Variants in PTPRD observed in about 807,000 individuals in gnomAD.
PTPRD encodes the protein protein tyrosine phosphatase receptor type D, also known as receptor-type tyrosine-protein phosphatase delta.
Under a neutral mutation model 214.5 loss-of-function variants are expected in PTPRD, and 34 were observed. That is an observed-to-expected ratio of 0.16 (90% CI 0.12 to 0.21). The LOEUF (loss-of-function observed/expected upper bound fraction) is 0.21. Among genes scored for constraint, PTPRD ranks in the 10% least tolerant of loss-of-function variants. PTPRD has a pLI of 1.00. For missense variants in PTPRD, 2,545 were observed against 2,398.7 expected, an observed-to-expected ratio of 1.06 and a Z score of -1.27; for synonymous variants, 1,128 against 845.7, an observed-to-expected ratio of 1.33 and a Z score of -5.79.
At chr9:10,129,790 A>T (rs1170160020) in intron 3 of PTPRD, among the ~76,000 whole-genome samples, 1 of 152,046 alleles carries the variant, frequency 6.6e-6, no homozygotes, top group Non-Finnish European at 1.5e-5. Context: ...AATTTGCTAA[A>T]TTGGCTGACT....
chr9:9,455,887 G>C (rs921928217), intron 8 of PTPRD, among the ~76,000 whole-genome samples: 13 of 151,804 alleles, frequency 8.6e-5, no homozygotes, highest in African/African-American at 3.1e-4. Context: ...TGAAGGCAGT[G>C]AGCAAGGCAT....
chr9:10,313,325 G>C (rs1427675324), intron 3 of PTPRD, among the ~76,000 whole-genome samples: 1 of 151,026 alleles, frequency 6.6e-6, no homozygotes, highest in African/African-American at 2.4e-5. Flanking sequence ...TTGAAGAAAA[G>C]AGAGAGTATA....
intron 11 of PTPRD, among the ~76,000 whole-genome samples, chr9:8,818,294 T>C (rs1346690312): frequency 6.6e-6 from 1 of 152,220 alleles, no homozygotes; most frequent in Non-Finnish European, 1.5e-5. Context: ...CTATATTCTC[T>C]GCCTCACCTT....
In PTPRD at chr9:9,281,617, T is replaced by C. The variant is rs545720306; in HGVS notation, c.-202-98254A>G. On this transcript the variant is annotated intron_variant, in intron 9 of 45. Coordinates refer to ENST00000381196, the MANE Select transcript of PTPRD (RefSeq NM_002839.4). ...ACAACACAAAATTCTGGTAAGGATG[T>C]GGAACAGCAGGAATTCTCATTTATT... Among the ~76,000 whole-genome samples the C allele has an allele frequency of 5.3e-5, 8 of 151,446 alleles. No individual in the cohort carries two copies. The South Asian group carries it at 1.2e-3, about 24-fold the overall frequency.
chr9:9,995,674 C>T (rs547509845), intron 4 of PTPRD, among the ~76,000 whole-genome samples: 53 of 152,258 alleles, frequency 3.5e-4, no homozygotes, highest in Admixed American at 9.2e-4. Context: ...GCTGTTTCCA[C>T]GTCTGAATGA....
Position 9,757,045 on chromosome 9 carries a change from A to G in PTPRD, c.-326+9765T>C, listed in dbSNP as rs73394817. ...CAAACCAATGAAAAGAATGTTTATT[A>G]CAGAATTATTTTATCTTAGATGGTC... On this transcript the variant is annotated intron_variant, in intron 6 of 45. Transcript: ENST00000381196. 6.3e-3 allele frequency among the ~76,000 whole-genome samples: 965 copies of G among 152,326 alleles called. 11 individuals carry two copies. The highest frequency in any genetic ancestry group is 0.022 in the African/African-American group (910 of 41,576).
intron 44 of PTPRD, among the ~76,000 whole-genome samples, chr9:8,323,199 TTCAAGATAATACTGC>T (rs1388891781): frequency 3.3e-5 from 5 of 152,134 alleles, no homozygotes; most frequent in Non-Finnish European, 7.3e-5. Flanking sequence ...AAAGATTCTT[TTCAAGATAATACTGC>T]TCATTGACAA....
intron 10 of PTPRD, among the ~76,000 whole-genome samples, chr9:9,040,869 T>G (rs1569492110): frequency 6.6e-6 from 1 of 152,120 alleles, no homozygotes; most frequent in Admixed American, 6.6e-5. Flanking sequence ...TGAAAAGCTT[T>G]TGTTTATTAT....
chr9:10,153,509 TTA>T (rs200275892), intron 3 of PTPRD, among the ~76,000 whole-genome samples: 61 of 149,886 alleles, frequency 4.1e-4, no homozygotes, highest in Middle Eastern at 3.6e-3. Context: ...TTTTTATATA[TTA>T]TATATATATA....
At chr9:10,491,915 C>T (rs1291234077) in intron 2 of PTPRD, among the ~76,000 whole-genome samples, 1 of 152,082 alleles carries the variant, frequency 6.6e-6, no homozygotes, top group Non-Finnish European at 1.5e-5. Flanking sequence ...TCCCTGTGTC[C>T]ATGTGTTCTC....
At chr9:10,017,383 A>G (rs1359384838) in intron 4 of PTPRD, among the ~76,000 whole-genome samples, 1 of 151,922 alleles carries the variant, frequency 6.6e-6, no homozygotes, top group Non-Finnish European at 1.5e-5. Context: ...TGGCTTTACT[A>G]ATTTTCTTTA....
intron 10 of PTPRD, among the ~76,000 whole-genome samples, chr9:9,026,245 AG>A (rs1356118448): frequency 2.6e-5 from 4 of 151,976 alleles, no homozygotes; most frequent in Non-Finnish European, 1.5e-5. Flanking sequence ...GCTCTGGCAC[AG>A]GGACCAGCTT....
At chr9:9,479,226 C>CA (rs537570904) in intron 8 of PTPRD, among the ~76,000 whole-genome samples, 8,065 of 110,616 alleles carry the variant, frequency 0.073, 479 homozygotes, top group Non-Finnish European at 0.12. Flanking sequence ...CCCCCCCCCC[C>CA]CCCACACACA....
chr9:8,580,019 A>C (rs1720647974), intron 14 of PTPRD, among the ~76,000 whole-genome samples: 1 of 152,212 alleles, frequency 6.6e-6, no homozygotes, highest in South Asian at 2.1e-4. Context: ...GTTTGCAGGG[A>C]TTACAAGTTT....
intron 14 of PTPRD, among the ~76,000 whole-genome samples, chr9:8,550,668 T>C (rs1341727653): frequency 6.6e-6 from 1 of 152,322 alleles, no homozygotes; most frequent in Non-Finnish European, 1.5e-5. Flanking sequence ...TAAATCCATA[T>C]GCAAGAGAAA....
chr9:10,511,125 T>G lies in PTPRD; in HGVS notation c.-600+101273A>C, dbSNP rs186238376. ...TTTTTATCATTGAGAATAATTCCAG[T>G]GTATGGAATGGATGTGTATATCAGA... On this transcript the variant is annotated intron_variant, in intron 2 of 45. Coordinates refer to ENST00000381196, the MANE Select transcript of PTPRD (RefSeq NM_002839.4). Among the ~76,000 whole-genome samples the G allele has an allele frequency of 3.9e-4, 60 of 152,306 alleles. 1 individual carries two copies. The East Asian group carries it at 0.01, about 26-fold the overall frequency.
At chr9:8,426,374 T>A (rs531216190) in intron 35 of PTPRD, among the ~76,000 whole-genome samples, 6 of 152,300 alleles carry the variant, frequency 3.9e-5, no homozygotes, top group African/African-American at 1.4e-4. Flanking sequence ...CACTATGGCA[T>A]CCCTCTAAGT....
At chr9:8,370,088 C>T (rs1027978382) in intron 39 of PTPRD, among the ~76,000 whole-genome samples, 4 of 151,896 alleles carry the variant, frequency 2.6e-5, no homozygotes, top group East Asian at 3.9e-4. Flanking sequence ...AAATGTAATC[C>T]ATGACCTCTT....
chr9:10,185,540 G>C (rs2099326368), intron 3 of PTPRD, among the ~76,000 whole-genome samples: 1 of 152,146 alleles, frequency 6.6e-6, no homozygotes, highest in Admixed American at 6.5e-5. Context: ...GGGAATGGCT[G>C]TTATCTGCGT....
Sources: allele counts gnomAD v4.1 joint callset (sites outside exome capture counted in the v4.1 genomes callset), GRCh38; gene constraint gnomAD v4.1.1; transcripts MANE v1.5; gene names NCBI Gene and HGNC (gene_info 2026-07-23, HGNC 2026-07-21).